The following ADAMTS20 variants were observed in gnomAD, a reference collection of about 807,000 sequenced individuals.
The protein encoded by ADAMTS20 is ADAM metallopeptidase with thrombospondin type 1 motif 20, also known as A disintegrin and metalloproteinase with thrombospondin motifs 20.
A neutral mutation model predicts 260.1 loss-of-function variants in ADAMTS20; 225 were observed. The ratio of observed to expected loss-of-function variants is 0.87; its 90% CI spans 0.78 to 0.97. ADAMTS20 has a LOEUF of 0.97. Ranked by LOEUF, ADAMTS20 falls within the 50% of genes least tolerant of loss-of-function variation. The pLI, the probability that ADAMTS20 is intolerant of heterozygous loss-of-function variation, is 0.00. For synonymous variants in ADAMTS20, 802 were observed against 769.5 expected, an observed-to-expected ratio of 1.04 and a Z score of -0.70; for missense variants, 2,400 against 2,337.7, an observed-to-expected ratio of 1.03 and a Z score of -0.55.
intron 37 of ADAMTS20, among the ~76,000 whole-genome samples, chr12:43,358,120 G>T (rs2137180125): frequency 6.6e-6 from 1 of 152,226 alleles, no homozygotes; most frequent in Non-Finnish European, 1.5e-5. Flanking sequence ...GCTCAATTGG[G>T]CCATGCAACC....
intron 28 of ADAMTS20, among the ~76,000 whole-genome samples, chr12:43,407,049 A>T (rs892152070): frequency 2.6e-5 from 4 of 152,034 alleles, no homozygotes; most frequent in African/African-American, 9.7e-5. Flanking sequence ...TTAAAGTTTA[A>T]TGGAGTTTGA....
chr12:43,379,810 C>G (rs1940310598), intron 31 of ADAMTS20, among the ~76,000 whole-genome samples: 1 of 152,102 alleles, frequency 6.6e-6, no homozygotes, highest in Non-Finnish European at 1.5e-5. Context: ...AGACTTATCA[C>G]AAGTAAAGAG....
intron 15 of ADAMTS20, among the ~76,000 whole-genome samples, chr12:43,445,134 A>C (rs576611236): frequency 3.3e-5 from 5 of 152,228 alleles, no homozygotes; most frequent in Non-Finnish European, 7.3e-5. Flanking sequence ...GAAGGCTACC[A>C]CCAGGGGGCA....
At chr12:43,437,698 T>C (rs1393629238) in intron 18 of ADAMTS20, among the ~76,000 whole-genome samples, 2 of 152,184 alleles carry the variant, frequency 1.3e-5, no homozygotes, top group Non-Finnish European at 2.9e-5. Context: ...AAGAAAATAC[T>C]GAGGGATATG....
At chr12:43,419,984 T>C (rs1053979240) in intron 28 of ADAMTS20, among the ~76,000 whole-genome samples, 1 of 152,220 alleles carries the variant, frequency 6.6e-6, no homozygotes, top group Non-Finnish European at 1.5e-5. Context: ...TATTCTTTTA[T>C]GGTAGGGAAT....
At chr12:43,389,857 C>T (rs1940561490) in intron 29 of ADAMTS20, among the ~76,000 whole-genome samples, 2 of 152,180 alleles carry the variant, frequency 1.3e-5, no homozygotes, top group Admixed American at 1.3e-4. Flanking sequence ...CAATGGCCCT[C>T]TTCCTTGCTC....
chr12:43,361,000 T>G (rs530656892), intron 37 of ADAMTS20, among the ~76,000 whole-genome samples: 2 of 152,248 alleles, frequency 1.3e-5, no homozygotes, highest in Non-Finnish European at 2.9e-5. Context: ...TAAAAGTTTT[T>G]GTGGCTTTGC....
chr12:43,465,149 T>C (rs1455035864), intron 9 of ADAMTS20, among the ~76,000 whole-genome samples: 3 of 152,100 alleles, frequency 2.0e-5, no homozygotes, highest in Non-Finnish European at 4.4e-5. Context: ...CTTGAGAAAG[T>C]ATATTTCTAG....
chr12:43,376,584 T>C lies in ADAMTS20; in HGVS notation c.5065A>G (p.Ser1689Gly). ...VKCITKHGLS[S>G]DLCLNHLKPG... is the part of the protein sequence containing the mutation. ...TTTAAATGGTTTAAACATAAGTCAC[T>C]GGACAAACCATGTTTGGTAATGCAT... is the stretch of plus-strand genomic sequence containing the variant. Residue 1689 changes from serine (S) to glycine (G), a missense_variant, in exon 33 of 39, where the codon AGT becomes GGT. Coordinates refer to ENST00000389420, the MANE Select transcript of ADAMTS20 (RefSeq NM_025003.5). The C allele has an allele frequency of 6.2e-7, 1 of 1,613,734 alleles. No individual in the cohort carries two copies.
chr12:43,415,080 A>T (rs1941104391), intron 28 of ADAMTS20, among the ~76,000 whole-genome samples: 1 of 152,202 alleles, frequency 6.6e-6, no homozygotes, highest in Non-Finnish European at 1.5e-5. Flanking sequence ...CGCAACGTAA[A>T]TGAGTCTCAA....
chr12:43,374,130 A>G (rs1940169696), intron 36 of ADAMTS20, among the ~76,000 whole-genome samples: 1 of 152,190 alleles, frequency 6.6e-6, no homozygotes, highest in Non-Finnish European at 1.5e-5. Flanking sequence ...GAGCTGATAA[A>G]TAAAGAATTA....
chr12:43,530,351 C>T (rs1943202978), intron 3 of ADAMTS20, among the ~76,000 whole-genome samples: 1 of 152,136 alleles, frequency 6.6e-6, no homozygotes, highest in Non-Finnish European at 1.5e-5. Flanking sequence ...GCATAAGCTG[C>T]CTTCTGTAGA....
chr12:43,439,904 A>G lies in ADAMTS20; in HGVS notation c.2456T>C (p.Ile819Thr). The G allele has an allele frequency of 2.5e-6, 4 of 1,604,282 alleles. No individual in the cohort carries two copies. The highest frequency in any genetic ancestry group is 3.4e-6 in the Non-Finnish European group (4 of 1,175,314). The change falls in exon 17 of 39, where the codon ATT becomes ACT. Residue 819 changes from isoleucine (I) to threonine (T), a missense_variant. Ile to Thr is a moderately conservative substitution (Grantham distance 89). Coordinates refer to ENST00000389420, the MANE Select transcript of ADAMTS20 (RefSeq NM_025003.5). ...NSTNRQEKEL[I>T]LQVLCVGNLY... Reference sequence around the variant, plus strand: ...TGATGACTGAGAATTTACCTGCAAAATAAGTTCTTTCTCTTGTCGATTAGT... The same window carrying G: ...TGATGACTGAGAATTTACCTGCAAAGTAAGTTCTTTCTCTTGTCGATTAGT...
Position 43,439,618 on chromosome 12 carries a change from G to A in ADAMTS20, c.2593+4C>T, listed in dbSNP as rs567330864. 5.0e-6 allele frequency: 8 copies of A among 1,600,952 alleles called. No individual in the cohort carries two copies. Among genetic ancestry groups the A allele is most frequent in the Admixed American group, 3.5e-5 (2 of 56,598 alleles). On this transcript the variant is annotated splice_donor_region_variant and intron_variant, in intron 18 of 38. Coordinates refer to ENST00000389420, the MANE Select transcript of ADAMTS20 (RefSeq NM_025003.5). ...CTTTTCTCCCTTATTGAATGCCAGC[G>A]TACCTTGACACATTTTGGTACAGCC...
In ADAMTS20 at chr12:43,428,294, C is replaced by T. The variant is rs1941371146; in HGVS notation, c.3892G>A (p.Val1298Met). ...TQKLEDNENQ[V>M]VHPSVRGNQW... ...TTTCCTCTGACTGATGGATGGACCA[C>T]CTGATTTTCATTATCTTCAAGTTTT... Residue 1298 changes from valine (V) to methionine (M), a missense_variant, in exon 26 of 39, where the codon GTG (valine) becomes ATG (methionine). Val to Met is a conservative substitution (Grantham distance 21, BLOSUM62 1). Coordinates refer to ENST00000389420, the MANE Select transcript of ADAMTS20 (RefSeq NM_025003.5). The T allele has an allele frequency of 1.2e-6, 2 of 1,613,834 alleles. No individual in the cohort carries two copies. The highest frequency in any genetic ancestry group is 1.7e-6 in the Non-Finnish European group (2 of 1,179,886).
Position 43,532,553 on chromosome 12 carries a change from A to ATT in ADAMTS20, c.454-359_454-358insAA, listed in dbSNP as rs1592113547. On this transcript the variant is annotated intron_variant, in intron 2 of 38. Coordinates refer to ENST00000389420, the MANE Select transcript of ADAMTS20 (RefSeq NM_025003.5). Reference sequence around the variant, plus strand: ...GGAAAATAGATACTTTTTTTTTTTAATGTTTTTTTTTTTATTATACTCTAA... The same window carrying ATT: ...GGAAAATAGATACTTTTTTTTTTTAATTTGTTTTTTTTTTTATTATACTCTAA... 2.1e-4 allele frequency among the ~76,000 whole-genome samples: 15 copies of ATT among 71,938 alleles called. No individual in the cohort carries two copies. The East Asian group carries it at 2.1e-3, about 10-fold the overall frequency. 47.2% of individuals were successfully genotyped at this position (71,938 alleles called of 152,430 possible).
chr12:43,508,690 G>C (rs1942880118), intron 3 of ADAMTS20, among the ~76,000 whole-genome samples: 1 of 152,096 alleles, frequency 6.6e-6, no homozygotes, highest in Admixed American at 6.5e-5. Context: ...GAGGCATATA[G>C]TACATAATAA....
chr12:43,464,510 A>G, intron 10 of ADAMTS20, 81 bp downstream of exon 10: 2 of 1,494,154 alleles, frequency 1.3e-6, no homozygotes, highest in Non-Finnish European at 1.8e-6. Flanking sequence ...TTAGTTCAAG[A>G]GAATAAACAC....
At chr12:43,424,090 G>A (rs1304203214) in intron 28 of ADAMTS20, among the ~76,000 whole-genome samples, 1 of 152,000 alleles carries the variant, frequency 6.6e-6, no homozygotes, top group African/African-American at 2.4e-5. Flanking sequence ...AACAAAACAA[G>A]AGCAGGCATC....
Sources: gnomAD v4.1 joint callset for allele counts (sites outside exome capture counted in the v4.1 genomes callset) on GRCh38, gnomAD v4.1.1 for gene constraint, MANE v1.5 for transcripts, NCBI Gene and HGNC (gene_info 2026-07-23, HGNC 2026-07-21) for gene names.